RAB3GAP1: variants seen among roughly 807,000 people sequenced by gnomAD.
RAB3GAP1 encodes the protein rab3 GTPase-activating protein catalytic subunit.
RAB3GAP1 carries 86 observed loss-of-function variants against 130.7 expected under a neutral mutation model. That is an observed-to-expected ratio of 0.66 (90% CI 0.55 to 0.79). The LOEUF is 0.79. Ranked by LOEUF, RAB3GAP1 falls within the 30% of genes least tolerant of loss-of-function variation. RAB3GAP1 has a pLI of 0.00. For synonymous variants in RAB3GAP1, 367 were observed against 401.7 expected (o/e 0.91, Z 1.03); for missense variants, 1,029 against 1,169.4 (o/e 0.88, Z 1.75).
At chr2:135,143,695 C>T (rs1465174069) in intron 17 of RAB3GAP1, among the ~76,000 whole-genome samples, 1 of 151,756 alleles carries the variant, frequency 6.6e-6, no homozygotes, top group Non-Finnish European at 1.5e-5. Flanking sequence ...GTAGCTGGGA[C>T]TACAGGTGCC....
chr2:135,095,536 G>A (rs1307460161), intron 5 of RAB3GAP1, among the ~76,000 whole-genome samples: 6 of 152,160 alleles, frequency 3.9e-5, no homozygotes, highest in African/African-American at 1.4e-4. Flanking sequence ...ATGTTGATCT[G>A]TTATGTGATA....
intron 3 of RAB3GAP1, among the ~76,000 whole-genome samples, chr2:135,082,014 C>T (rs1316101043): frequency 6.6e-6 from 1 of 151,876 alleles, no homozygotes; most frequent in African/African-American, 2.4e-5. Flanking sequence ...TGGTGGCACA[C>T]ACCTGTAGTC....
intron 7 of RAB3GAP1, among the ~76,000 whole-genome samples, chr2:135,117,515 TTCTTCTG>T (rs1691024175): frequency 6.6e-6 from 1 of 151,468 alleles, no homozygotes; most frequent in African/African-American, 2.4e-5. Context: ...CTTCTTCTGC[TTCTTCTG>T]CTTCTTCTGC....
At chr2:135,165,237 TATC>T in intron 23 of RAB3GAP1, 1 of 438,418 alleles carries the variant, frequency 2.3e-6, no homozygotes, top group East Asian at 7.0e-5. Flanking sequence ...TTTGAAAAAT[TATC>T]ATAACCATTA....
intron 6 of RAB3GAP1, among the ~76,000 whole-genome samples, chr2:135,113,890 C>T (rs1690893440): frequency 6.6e-6 from 1 of 152,088 alleles, no homozygotes; most frequent in Non-Finnish European, 1.5e-5. Context: ...CAGGTGTTCA[C>T]CACCCTTGGC....
chr2:135,132,892 A>G lies in RAB3GAP1; in HGVS notation c.1237-3A>G, dbSNP rs759436861. ...TGTGATTATTTTTTTCCTTTCCTTC[A>G]AGTTCTTATTCCCTGATGCTGTTTC... is the stretch of plus-strand genomic sequence containing the variant. On this transcript the variant is annotated splice_region_variant and splice_polypyrimidine_tract_variant and intron_variant, in intron 13 of 23. Transcript: ENST00000264158. The G allele has an allele frequency of 6.5e-7, 1 of 1,528,592 alleles. No homozygotes were observed. Among genetic ancestry groups the G allele is most frequent in the Non-Finnish European group, 9.1e-7 (1 of 1,102,774 alleles). 94.7% of individuals were successfully genotyped at this position (1,528,592 alleles called of 1,614,324 possible).
chr2:135,169,648 G>A lies in RAB3GAP1; in HGVS notation c.*867G>A, dbSNP rs1034246689. 6.2e-5 allele frequency: 27 copies of A among 436,352 alleles called. No homozygotes were observed. The highest frequency in any genetic ancestry group is 5.8e-4 in the Admixed American group (24 of 41,268). The allele number at this position is 436,352 out of a possible 1,614,324, so 27.0% of individuals were successfully genotyped here. A position where few individuals can be genotyped will look rare whatever the true frequency, so the allele number is the denominator to read the frequency against. The stretch of plus-strand genomic sequence containing the variant: ...AATACAGTCTTGGTACCTAGAGACT[G>A]TCATGCAGATAGTATAATTTGGTAT... On this transcript the variant is annotated 3_prime_UTR_variant, in exon 24 of 24. Transcript: ENST00000264158.
rs1692142667 is a variant in RAB3GAP1 at position 135,150,428 on chromosome 2, A to T, written c.1983A>T (p.Leu661Phe). ...AGCAGTCTGAAGTTTTAGCTAAATTAGGTACATCGGCAGAGGGGGCTCACC... is the reference window on the plus strand; with the variant it reads ...AGCAGTCTGAAGTTTTAGCTAAATTTGGTACATCGGCAGAGGGGGCTCACC... ...LEEQSEVLAK[L>F]GTSAEGAHLR... The change falls in exon 18 of 24, where the codon TTA (leucine) becomes TTT (phenylalanine). Residue 661 changes from leucine to phenylalanine, a missense_variant. Around this residue, in one of 3 missense-constraint regions of RAB3GAP1, gnomAD observed 373 missense variants for 493.6 expected, o/e 0.76. Transcript: ENST00000264158. The T allele has an allele frequency of 1.2e-6, 2 of 1,614,216 alleles. No homozygotes were observed. The highest frequency in any genetic ancestry group is 1.7e-6 in the Non-Finnish European group (2 of 1,180,040).
intron 5 of RAB3GAP1, among the ~76,000 whole-genome samples, chr2:135,099,463 G>GTGTGTGTGTA (rs1553442724): frequency 6.7e-5 from 10 of 149,276 alleles, no homozygotes; most frequent in African/African-American, 2.5e-4. Flanking sequence ...GTGTGTGTGT[G>GTGTGTGTGTA]TGTATGTATG....
chr2:135,083,075 T>A (rs72978326), intron 3 of RAB3GAP1, among the ~76,000 whole-genome samples: 6,886 of 152,108 alleles, frequency 0.045, 534 homozygotes, highest in African/African-American at 0.16. Context: ...AATTGTTGTA[T>A]TGATGTTTTT....
chr2:135,113,931 G>A (rs1690894492), intron 6 of RAB3GAP1, among the ~76,000 whole-genome samples: 1 of 151,974 alleles, frequency 6.6e-6, no homozygotes. Context: ...TAAATTTTCA[G>A]TAGAGATGGG....
At chr2:135,109,448 G>T (rs1004557321) in intron 5 of RAB3GAP1, among the ~76,000 whole-genome samples, 1 of 151,808 alleles carries the variant, frequency 6.6e-6, no homozygotes, top group Non-Finnish European at 1.5e-5. Flanking sequence ...GAAAATCACT[G>T]TACATACACC....
chr2:135,167,584 G>T, intron 23 of RAB3GAP1: 1 of 880,562 alleles, frequency 1.1e-6, no homozygotes, highest in Non-Finnish European at 1.8e-6. Flanking sequence ...GTTCCATAAT[G>T]TAGTGCATAC....
At chr2:135,164,526 G>A (rs1316803300) in intron 22 of RAB3GAP1, 68 bp from the exon 23 acceptor site, 11 of 1,238,578 alleles carry the variant, frequency 8.9e-6, no homozygotes, top group Non-Finnish European at 1.3e-5. Context: ...ACTCCTGTGG[G>A]AGGATGGACG....
intron 19 of RAB3GAP1, among the ~76,000 whole-genome samples, chr2:135,159,160 G>A (rs1553449500): frequency 6.6e-6 from 1 of 152,138 alleles, no homozygotes; most frequent in Non-Finnish European, 1.5e-5. Flanking sequence ...GGATAGAAGG[G>A]ACAAATCCCC....
intron 17 of RAB3GAP1, among the ~76,000 whole-genome samples, chr2:135,144,284 C>T (rs535783613): frequency 6.6e-6 from 1 of 152,290 alleles, no homozygotes; most frequent in East Asian, 1.9e-4. Flanking sequence ...AAACAGCTCT[C>T]AGCCAAAAGG....
At chr2:135,136,355 A>G (rs935105149) in intron 17 of RAB3GAP1, among the ~76,000 whole-genome samples, 2 of 152,190 alleles carry the variant, frequency 1.3e-5, no homozygotes, top group African/African-American at 4.8e-5. Context: ...TTATGTTTAA[A>G]GATAAAGATA....
At chr2:135,055,790 A>G (rs1307139704) in intron 2 of RAB3GAP1, among the ~76,000 whole-genome samples, 1 of 152,186 alleles carries the variant, frequency 6.6e-6, no homozygotes, top group Admixed American at 6.5e-5. Context: ...AATCACCTGT[A>G]AACTTAACAC....
intron 19 of RAB3GAP1, among the ~76,000 whole-genome samples, chr2:135,158,731 A>G (rs1692384650): frequency 6.6e-6 from 1 of 152,182 alleles, no homozygotes; most frequent in African/African-American, 2.4e-5. Context: ...GTTTCTCTAT[A>G]GAGTGCTTCT....
Sources: gnomAD v4.1 joint callset for allele counts (sites outside exome capture counted in the v4.1 genomes callset) on GRCh38, gnomAD v4.1.1 for gene constraint, gnomAD v4.1.1 regional missense constraint, MANE v1.5 for transcripts, NCBI Gene and HGNC (gene_info 2026-07-23, HGNC 2026-07-21) for gene names.